RAPGEF5: variants seen among roughly 807,000 people sequenced by gnomAD.
RAPGEF5 encodes Rap guanine nucleotide exchange factor 5, also known as M-Ras-regulated GEF.
A neutral mutation model predicts 125.2 loss-of-function variants in RAPGEF5; 65 were observed. That is an observed-to-expected ratio of 0.52 (90% confidence interval 0.43 to 0.64). The LOEUF is 0.64. Among genes scored for constraint, RAPGEF5 ranks in the 30% least tolerant of loss-of-function variants. RAPGEF5 has a pLI of 0.00. For synonymous variants in RAPGEF5, 391 were observed against 385.9 expected, an observed-to-expected ratio of 1.01 and a Z score of -0.16; for missense variants, 958 against 1,048.1, an observed-to-expected ratio of 0.91 and a Z score of 1.19.
Position 22,167,263 on chromosome 7 carries a change from C to T in RAPGEF5, c.1205-115G>A. The T allele has an allele frequency of 4.1e-6, 3 of 727,206 alleles. No homozygotes were observed. In the East Asian group the frequency reaches 8.2e-5, roughly 20 times the overall value. 45.0% of individuals were successfully genotyped at this position (727,206 alleles called of 1,614,324 possible). A position where few individuals can be genotyped will look rare whatever the true frequency, so the allele number is the denominator to read the frequency against. ...GCAGAAATATGATAAATATTGATAG[C>T]TGTGGGAGGGATTAGGAGAATTTTA... On this transcript the variant is annotated intron_variant, in intron 11 of 25. Coordinates refer to ENST00000665637, the MANE Select transcript of RAPGEF5 (RefSeq NM_012294.5).
intron 1 of RAPGEF5, among the ~76,000 whole-genome samples, chr7:22,352,564 A>G (rs1196258311): frequency 6.6e-6 from 1 of 152,206 alleles, no homozygotes; most frequent in Non-Finnish European, 1.5e-5. Flanking sequence ...TAAAAAGTAT[A>G]CAGGAGACAA....
intron 9 of RAPGEF5, among the ~76,000 whole-genome samples, chr7:22,199,553 A>AAAGGAACTGAGCAGAGATGAGTCTGTG (rs1785229834): frequency 6.7e-6 from 1 of 150,206 alleles, no homozygotes; most frequent in Non-Finnish European, 1.5e-5. Context: ...AAAAAAAAAA[A>AAAGGAACTGAGCAGAGATGAGTCTGTG]AAAAAGGAAC....
intron 1 of RAPGEF5, among the ~76,000 whole-genome samples, chr7:22,347,921 A>G (rs938206567): frequency 1.6e-4 from 24 of 152,226 alleles, no homozygotes; most frequent in Non-Finnish European, 3.1e-4. Flanking sequence ...CATTTGCTAT[A>G]TTTGGAGGTG....
intron 6 of RAPGEF5, among the ~76,000 whole-genome samples, chr7:22,282,713 T>C (rs1355450537): frequency 6.6e-6 from 1 of 152,150 alleles, no homozygotes; most frequent in Non-Finnish European, 1.5e-5. Context: ...ACTCAACAAA[T>C]ATTAGCCATT....
chr7:22,260,532 T>TTA (rs570381937), intron 7 of RAPGEF5, among the ~76,000 whole-genome samples: 1 of 124,162 alleles, frequency 8.1e-6, no homozygotes, highest in African/African-American at 3.0e-5. Context: ...TTAGGACCAG[T>TTA]AAAAAAAAAA....
At position 22,163,036 on chromosome 7, in the gene RAPGEF5, T is replaced by C. The variant is rs555405025; in HGVS notation, c.1284-495A>G. 356 of 455,868 alleles carry C rather than the reference T, an allele frequency of 7.8e-4. 1 individual carries two copies. Among genetic ancestry groups the C allele is most frequent in the Non-Finnish European group, 1.3e-3 (304 of 226,634 alleles). 28.2% of individuals were successfully genotyped at this position (455,868 alleles called of 1,614,324 possible). On this transcript the variant is annotated intron_variant, in intron 12 of 25. Transcript: ENST00000665637. ...TTCTGCAACAGAATTTGTAACATGA[T>C]TCAAATGCCCACTCCTAGGAACTTA...
chr7:22,234,074 T>C (rs1786126107), intron 7 of RAPGEF5, among the ~76,000 whole-genome samples: 1 of 152,188 alleles, frequency 6.6e-6, no homozygotes, highest in South Asian at 2.1e-4. Context: ...GGAAAAATTA[T>C]AATTCCAAGA....
intron 1 of RAPGEF5, among the ~76,000 whole-genome samples, chr7:22,331,589 C>A (rs1304257850): frequency 1.3e-5 from 2 of 151,758 alleles, no homozygotes; most frequent in Non-Finnish European, 1.5e-5. Flanking sequence ...ACTAAAAATA[C>A]AAAAAATCAG....
intron 5 of RAPGEF5, 61 bp downstream of exon 5, chr7:22,308,278 T>C: frequency 6.8e-7 from 1 of 1,464,656 alleles, no homozygotes; most frequent in Non-Finnish European, 9.1e-7. Flanking sequence ...ATATAGTCCC[T>C]AGACATGGTA....
intron 7 of RAPGEF5, among the ~76,000 whole-genome samples, chr7:22,250,679 C>G (rs1180006722): frequency 6.6e-6 from 1 of 151,854 alleles, no homozygotes; most frequent in African/African-American, 2.4e-5. Context: ...AAAAGGCCTT[C>G]AGTAGATTTT....
At chr7:22,123,722 A>G (rs372152305) in intron 25 of RAPGEF5, among the ~76,000 whole-genome samples, 139 of 152,382 alleles carry the variant, frequency 9.1e-4, no homozygotes, top group African/African-American at 3.0e-3. Context: ...CACCTGTTTG[A>G]AAGTAACAAA....
chr7:22,208,477 G>C (rs1289499965), intron 9 of RAPGEF5, among the ~76,000 whole-genome samples: 2 of 152,182 alleles, frequency 1.3e-5, no homozygotes, highest in Non-Finnish European at 2.9e-5. Flanking sequence ...TGGAGAAACT[G>C]TCTGATCAGC....
At chr7:22,351,772 G>C (rs1296368350) in intron 1 of RAPGEF5, among the ~76,000 whole-genome samples, 1 of 152,208 alleles carries the variant, frequency 6.6e-6, no homozygotes, top group Admixed American at 6.5e-5. Context: ...GGGCATACTG[G>C]TATATAATTT....
chr7:22,230,837 TG>T lies in RAPGEF5; in HGVS notation c.870+8del, dbSNP rs1786038264. 2 of 1,562,688 alleles carry T rather than the reference TG, an allele frequency of 1.3e-6. No homozygotes were observed. Among genetic ancestry groups the T allele is most frequent in the East Asian group, 2.3e-5 (1 of 42,792 alleles). ...GTATGATGAGGGGCTGTCACAGAAT[TG>T]ATCATACCTGAGAATCTGGAACACT... On this transcript the variant is annotated splice_region_variant and intron_variant, in intron 8 of 25. Transcript: ENST00000665637.
At chr7:22,183,912 A>T in intron 11 of RAPGEF5, among the ~76,000 whole-genome samples, 1 of 152,334 alleles carries the variant, frequency 6.6e-6, no homozygotes, top group East Asian at 1.9e-4. Context: ...GAAGCTAAGG[A>T]TCTAATTTCT....
chr7:22,351,965 A>G (rs1784339147), intron 1 of RAPGEF5, among the ~76,000 whole-genome samples: 1 of 152,196 alleles, frequency 6.6e-6, no homozygotes, highest in South Asian at 2.1e-4. Flanking sequence ...TGTTCTTCCC[A>G]GTTTCTCAAT....
At chr7:22,272,764 C>A (rs1190792180) in intron 6 of RAPGEF5, among the ~76,000 whole-genome samples, 1 of 151,728 alleles carries the variant, frequency 6.6e-6, no homozygotes, top group East Asian at 1.9e-4. Flanking sequence ...TTTTTATTTT[C>A]TTATTTTTTT....
intron 18 of RAPGEF5, among the ~76,000 whole-genome samples, chr7:22,149,279 T>C (rs1230531551): frequency 1.3e-5 from 2 of 152,240 alleles, no homozygotes; most frequent in African/African-American, 2.4e-5. Context: ...CCAGTAGACA[T>C]ATATCTGGAC....
intron 21 of RAPGEF5, 30 bp from the exon 22 acceptor site, chr7:22,137,013 A>G: frequency 3.3e-6 from 5 of 1,502,544 alleles, no homozygotes; most frequent in Non-Finnish European, 3.6e-6. Flanking sequence ...AAAAAACAGA[A>G]GGTCACAGAA....
Sources: allele counts gnomAD v4.1 joint callset (sites outside exome capture counted in the v4.1 genomes callset), GRCh38; gene constraint gnomAD v4.1.1; transcripts MANE v1.5; gene names NCBI Gene and HGNC (gene_info 2026-07-23, HGNC 2026-07-21).